The following DGKB variants were observed in gnomAD, a reference collection of about 807,000 sequenced individuals.
DGKB encodes the protein diacylglycerol kinase beta.
Under a neutral mutation model 114.3 loss-of-function variants are expected in DGKB, and 67 were observed. The ratio of observed to expected loss-of-function variants is 0.59; its 90% CI spans 0.48 to 0.72. The LOEUF is 0.72. Ranked by LOEUF, DGKB falls within the 30% of genes least tolerant of loss-of-function variation. The pLI is 0.00. For synonymous variants in DGKB, 398 were observed against 323.1 expected, an observed-to-expected ratio of 1.23 and a Z score of -2.49; for missense variants, 907 against 975.2, an observed-to-expected ratio of 0.93 and a Z score of 0.93.
intron 23 of DGKB, among the ~76,000 whole-genome samples, chr7:14,298,045 G>A (rs551932853): frequency 6.6e-6 from 1 of 152,180 alleles, no homozygotes; most frequent in South Asian, 2.1e-4. Context: ...ACTGCTCAAG[G>A]AAAGAAGAAA....
chr7:14,768,281 A>G (rs902457437), intron 2 of DGKB, among the ~76,000 whole-genome samples: 1 of 151,990 alleles, frequency 6.6e-6, no homozygotes, highest in Non-Finnish European at 1.5e-5. Flanking sequence ...GGCTATAACT[A>G]ACTGGACACA....
At chr7:14,301,684 G>C (rs1342919609) in intron 23 of DGKB, among the ~76,000 whole-genome samples, 2 of 151,938 alleles carry the variant, frequency 1.3e-5, no homozygotes, top group Non-Finnish European at 2.9e-5. Flanking sequence ...TACATGAATA[G>C]GTGTGTACAC....
intron 21 of DGKB, among the ~76,000 whole-genome samples, chr7:14,414,654 A>G (rs1386841398): frequency 6.6e-6 from 1 of 152,184 alleles, no homozygotes; most frequent in Non-Finnish European, 1.5e-5. Flanking sequence ...AGAAAAAAAT[A>G]TATACATTGA....
At chr7:14,529,081 G>A (rs539912621) in intron 20 of DGKB, among the ~76,000 whole-genome samples, 4 of 151,720 alleles carry the variant, frequency 2.6e-5, no homozygotes, top group Non-Finnish European at 5.9e-5. Context: ...AAATAATGAA[G>A]TAACATGAGA....
intron 2 of DGKB, among the ~76,000 whole-genome samples, chr7:14,829,528 AG>A: frequency 6.6e-6 from 1 of 152,266 alleles, no homozygotes; most frequent in Middle Eastern, 3.4e-3. Flanking sequence ...ATGTAGACTC[AG>A]GAACAGTGGA....
At chr7:14,818,463 C>A (rs560926096) in intron 2 of DGKB, among the ~76,000 whole-genome samples, 4 of 151,998 alleles carry the variant, frequency 2.6e-5, no homozygotes, top group South Asian at 2.1e-4. Context: ...TGTTCCCCAG[C>A]GGAAAGGAGA....
chr7:14,840,190 T>C (rs1847728128), intron 2 of DGKB, among the ~76,000 whole-genome samples: 1 of 152,188 alleles, frequency 6.6e-6, no homozygotes, highest in South Asian at 2.1e-4. Context: ...CCAGATGCCT[T>C]AATTTTTACC....
At position 14,643,670 on chromosome 7, in the gene DGKB, A is replaced by G. The variant is rs138653136; in HGVS notation, c.1135-13402T>C. Among the ~76,000 whole-genome samples the G allele has an allele frequency of 6.6e-5, 10 of 152,292 alleles. No homozygotes were observed. The East Asian group carries it at 1.7e-3, about 27-fold the overall frequency. ...CCTCCAGGACACAGGTAGCTGAAGC[A>G]TGTGCACACCAAAGCTTGAGAGCCA... On this transcript the variant is annotated intron_variant, in intron 13 of 25. Transcript: ENST00000402815.
chr7:14,155,968 G>T (rs191786676), intron 25 of DGKB, among the ~76,000 whole-genome samples: 1 of 152,198 alleles, frequency 6.6e-6, no homozygotes, highest in African/African-American at 2.4e-5. Flanking sequence ...CAATTGAGAC[G>T]AAATTACTGA....
At chr7:14,696,102 A>G (rs1823828851) in intron 8 of DGKB, among the ~76,000 whole-genome samples, 1 of 152,086 alleles carries the variant, frequency 6.6e-6, no homozygotes, top group African/African-American at 2.4e-5. Context: ...CCTTCCTCCT[A>G]GCATCCTGAT....
intron 2 of DGKB, among the ~76,000 whole-genome samples, chr7:14,768,172 G>T (rs1836755716): frequency 6.6e-6 from 1 of 151,826 alleles, no homozygotes; most frequent in Admixed American, 6.6e-5. Context: ...CTTACATTGA[G>T]AACAAAACTC....
At chr7:14,506,992 AT>A (rs1319010852) in intron 20 of DGKB, among the ~76,000 whole-genome samples, 1 of 152,140 alleles carries the variant, frequency 6.6e-6, no homozygotes, top group Non-Finnish European at 1.5e-5. Context: ...TGACATACAA[AT>A]TTGTATTCAC....
At chr7:14,238,516 G>A (rs867569150) in intron 23 of DGKB, among the ~76,000 whole-genome samples, 9 of 151,792 alleles carry the variant, frequency 5.9e-5, no homozygotes, top group Non-Finnish European at 5.9e-5. Flanking sequence ...TAGTTTCCAG[G>A]AATTTCCAGG....
chr7:14,331,253 A>G (rs1289083193), intron 23 of DGKB, among the ~76,000 whole-genome samples: 2 of 152,030 alleles, frequency 1.3e-5, no homozygotes, highest in Non-Finnish European at 2.9e-5. Flanking sequence ...TATTTTTGTG[A>G]AATGCAACAT....
chr7:14,874,925 CTTTT>C (rs931296747), intron 1 of DGKB, among the ~76,000 whole-genome samples: 1 of 151,998 alleles, frequency 6.6e-6, no homozygotes, highest in Non-Finnish European at 1.5e-5. Context: ...TTCCCAAACT[CTTTT>C]TTATTTTGCT....
At chr7:14,559,358 A>G (rs1336827167) in intron 20 of DGKB, among the ~76,000 whole-genome samples, 1 of 152,088 alleles carries the variant, frequency 6.6e-6, no homozygotes, top group East Asian at 1.9e-4. Context: ...CAGTCCTCCT[A>G]CATCATTTTG....
chr7:14,248,439 A>G (rs1040042801), intron 23 of DGKB, among the ~76,000 whole-genome samples: 4 of 152,076 alleles, frequency 2.6e-5, no homozygotes, highest in African/African-American at 7.2e-5. Flanking sequence ...ATAGCTTTGT[A>G]TGTAGTATGG....
intron 23 of DGKB, among the ~76,000 whole-genome samples, chr7:14,278,419 T>C (rs1237765291): frequency 1.3e-5 from 2 of 152,180 alleles, no homozygotes; most frequent in African/African-American, 4.8e-5. Flanking sequence ...ATACATGGTA[T>C]TGGGAAACCC....
chr7:14,600,841 G>A (rs1298505204), intron 17 of DGKB, among the ~76,000 whole-genome samples: 3 of 152,136 alleles, frequency 2.0e-5, no homozygotes, highest in African/African-American at 4.8e-5. Context: ...TCCTTCCATG[G>A]CTGTGCTGTG....
Sources: allele counts gnomAD v4.1 joint callset (sites outside exome capture counted in the v4.1 genomes callset), GRCh38; gene constraint gnomAD v4.1.1; transcripts MANE v1.5; gene names NCBI Gene and HGNC (gene_info 2026-07-23, HGNC 2026-07-21).